Variants in SUPT3H observed in about 807,000 individuals in gnomAD.
The protein encoded by SUPT3H is transcription initiation protein SPT3 homolog.
A neutral mutation model predicts 44.3 loss-of-function variants in SUPT3H; 44 were observed. The observed-to-expected ratio is 0.99, with a 90% confidence interval of 0.78 to 1.28. The LOEUF (loss-of-function observed/expected upper bound fraction) is 1.28, where lower values mean the gene tolerates loss of function less well. SUPT3H is among the 50% of genes most tolerant of loss of function. The pLI, the probability that SUPT3H is intolerant of heterozygous loss-of-function variation, is 0.00. For missense variants in SUPT3H, 380 were observed against 387.1 expected (o/e 0.98, Z 0.15); for synonymous variants, 124 against 125.6 (o/e 0.99, Z 0.09).
At chr6:45,352,866 T>C (rs1200947945) in intron 2 of SUPT3H, among the ~76,000 whole-genome samples, 1 of 152,054 alleles carries the variant, frequency 6.6e-6, no homozygotes, top group South Asian at 2.1e-4. Context: ...TATATATCTA[T>C]AAAAAAATTA....
chr6:45,303,945 C>T (rs1380965685), intron 2 of SUPT3H, among the ~76,000 whole-genome samples: 2 of 151,454 alleles, frequency 1.3e-5, no homozygotes, highest in East Asian at 3.9e-4. Flanking sequence ...CCACTGCACT[C>T]CAGCCTGGGC....
At chr6:45,090,090 A>AAATG (rs1796951580) in intron 3 of SUPT3H, among the ~76,000 whole-genome samples, 1 of 152,094 alleles carries the variant, frequency 6.6e-6, no homozygotes, top group African/African-American at 2.4e-5. Context: ...TCTTGGCATA[A>AAATG]AATGCAAAAG....
At position 44,955,797 on chromosome 6, in the gene SUPT3H, G is replaced by GA. The variant is rs1775039397; in HGVS notation, c.581-1191_581-1190insT. Among the ~76,000 whole-genome samples the GA allele has an allele frequency of 7.2e-5, 11 of 152,202 alleles. No homozygotes were observed. In the South Asian group the frequency reaches 2.3e-3, roughly 32 times the overall value. The stretch of plus-strand genomic sequence containing the variant: ...CAATATACACACTGCTCGGGTGATG[G>GA]GTGCACCAAAACCTCAGAAATTGCT... On this transcript the variant is annotated intron_variant, in intron 7 of 10. Coordinates refer to ENST00000371459, the MANE Select transcript of SUPT3H (RefSeq NM_003599.4).
chr6:44,891,763 T>C (rs1263036844), intron 10 of SUPT3H, among the ~76,000 whole-genome samples: 1 of 151,920 alleles, frequency 6.6e-6, no homozygotes, highest in Non-Finnish European at 1.5e-5. Context: ...TTTTTTATTA[T>C]GTATATTTTA....
At chr6:44,911,893 T>C (rs1582447869) in intron 10 of SUPT3H, among the ~76,000 whole-genome samples, 1 of 152,344 alleles carries the variant, frequency 6.6e-6, no homozygotes, top group Non-Finnish European at 1.5e-5. Context: ...CAATGCTTCC[T>C]TATGCCAGAA....
intron 10 of SUPT3H, among the ~76,000 whole-genome samples, chr6:44,849,381 T>C (rs1240390067): frequency 6.6e-6 from 1 of 150,958 alleles, no homozygotes; most frequent in African/African-American, 2.4e-5. Flanking sequence ...CGCCCGCCAC[T>C]ACGCCCGGCT....
In SUPT3H at chr6:44,931,381, T is replaced by C. The variant is rs149462459; in HGVS notation, c.912+1272A>G. Among the ~76,000 whole-genome samples the C allele has an allele frequency of 5.9e-3, 899 of 152,266 alleles. 4 individuals carry two copies. The highest frequency in any genetic ancestry group is 0.019 in the African/African-American group (808 of 41,570). On this transcript the variant is annotated intron_variant, in intron 10 of 10. Coordinates refer to ENST00000371459, the MANE Select transcript of SUPT3H (RefSeq NM_003599.4). ...TTTTAATCTTTCATTATAAGTTTTT[T>C]TTCACTCTCAGTTGGTTTTTAAATT...
At chr6:44,976,137 GAAGC>G (rs1364010959) in intron 6 of SUPT3H, among the ~76,000 whole-genome samples, 2 of 152,228 alleles carry the variant, frequency 1.3e-5, no homozygotes, top group African/African-American at 4.8e-5. Context: ...ATCTAAGCTA[GAAGC>G]ATGAGTTAAC....
chr6:45,339,184 G>A (rs1789242949), intron 2 of SUPT3H, among the ~76,000 whole-genome samples: 1 of 152,094 alleles, frequency 6.6e-6, no homozygotes, highest in Admixed American at 6.6e-5. Flanking sequence ...GATTGAAAGA[G>A]TATTCCATTA....
At chr6:44,965,979 C>T (rs1367364896) in intron 6 of SUPT3H, among the ~76,000 whole-genome samples, 2 of 152,026 alleles carry the variant, frequency 1.3e-5, no homozygotes, top group African/African-American at 2.4e-5. Flanking sequence ...ACGTGTTGAC[C>T]GGCCTAAGAC....
chr6:45,087,446 C>G (rs1259157005), intron 3 of SUPT3H, among the ~76,000 whole-genome samples: 2 of 151,668 alleles, frequency 1.3e-5, no homozygotes, highest in Non-Finnish European at 3.0e-5. Flanking sequence ...ATCATTTATA[C>G]TAAAAATATC....
In SUPT3H at chr6:44,971,581, C is replaced by T. The variant is rs895930148; in HGVS notation, c.505-9753G>A. Among the ~76,000 whole-genome samples, 4 of 152,056 alleles carry T rather than the reference C, an allele frequency of 2.6e-5. No individual in the cohort carries two copies. In the South Asian group the frequency reaches 8.3e-4, roughly 32 times the overall value. On this transcript the variant is annotated intron_variant, in intron 6 of 10. Transcript: ENST00000371459. ...AGAACAGAAGCATGGGGGTAACTGC[C>T]CCCCATGATTCAATGACCTCCCAAT...
intron 7 of SUPT3H, among the ~76,000 whole-genome samples, chr6:44,955,904 A>AG (rs1775067629): frequency 1.3e-5 from 2 of 151,788 alleles, no homozygotes; most frequent in Admixed American, 1.3e-4. Flanking sequence ...GCCGATCACG[A>AG]GGTCAGGAGA....
intron 3 of SUPT3H, among the ~76,000 whole-genome samples, chr6:45,091,047 T>C (rs1025792878): frequency 1.3e-5 from 2 of 152,022 alleles, no homozygotes; most frequent in Non-Finnish European, 2.9e-5. Flanking sequence ...TTAAATATCC[T>C]TTTCAAGTAT....
At chr6:44,955,583 A>G (rs1008834635) in intron 7 of SUPT3H, 2 of 152,412 alleles carry the variant, frequency 1.3e-5, no homozygotes, top group Non-Finnish European at 1.5e-5. Flanking sequence ...GCCCCGCCCA[A>G]GAAGAGTCTG....
At chr6:45,123,130 C>T (rs954228176) in intron 2 of SUPT3H, among the ~76,000 whole-genome samples, 2 of 152,122 alleles carry the variant, frequency 1.3e-5, no homozygotes, top group African/African-American at 4.8e-5. Flanking sequence ...ACTTAATTCA[C>T]TTTAACAATA....
intron 2 of SUPT3H, among the ~76,000 whole-genome samples, chr6:45,216,640 G>A (rs1027568736): frequency 6.6e-6 from 1 of 152,174 alleles, no homozygotes; most frequent in Admixed American, 6.5e-5. Context: ...TTCAAAATGA[G>A]CAGCAGTAGC....
At chr6:45,036,441 A>G (rs1486740778) in intron 3 of SUPT3H, among the ~76,000 whole-genome samples, 5 of 152,144 alleles carry the variant, frequency 3.3e-5, no homozygotes, top group Non-Finnish European at 7.4e-5. Context: ...GGTGGGGGAC[A>G]TGTCATGTAA....
chr6:44,927,982 T>C (rs1473396473), intron 10 of SUPT3H, among the ~76,000 whole-genome samples: 1 of 152,186 alleles, frequency 6.6e-6, no homozygotes, highest in Admixed American at 6.5e-5. Flanking sequence ...CTTCCACTAT[T>C]ACTAATATAA....
Sources: allele counts gnomAD v4.1 joint callset (sites outside exome capture counted in the v4.1 genomes callset), GRCh38; gene constraint gnomAD v4.1.1; transcripts MANE v1.5; gene names NCBI Gene and HGNC (gene_info 2026-07-23, HGNC 2026-07-21).